ACSL1: variants seen among roughly 807,000 people sequenced by gnomAD.
ACSL1 encodes the protein long-chain-fatty-acid--CoA ligase 1.
Under a neutral mutation model 98.4 loss-of-function variants are expected in ACSL1, and 41 were observed. The observed-to-expected ratio is 0.42, with a 90% CI of 0.32 to 0.54. The LOEUF is 0.54. Ranked by LOEUF, ACSL1 falls within the 20% of genes least tolerant of loss-of-function variation. ACSL1 has a pLI of 0.13. For synonymous variants in ACSL1, 316 were observed against 322.7 expected (o/e 0.98, Z 0.22); for missense variants, 734 against 883.1 (o/e 0.83, Z 2.14).
chr4:184,765,932 C>A lies in ACSL1; in HGVS notation c.1318G>T (p.Ala440Ser). 1 of 1,614,094 alleles carries A rather than the reference C, an allele frequency of 6.2e-7. No individual in the cohort carries two copies. Among genetic ancestry groups the A allele is most frequent in the Non-Finnish European group, 8.5e-7 (1 of 1,180,014 alleles). ...GCTCTGAGGAACGTCAGCACAGTGG[C>A]AGACACCGGGGCGGCTCCTGTCACC... ...LMVTGAAPVS[A>S]TVLTFLRAAL... is the part of the protein sequence containing the mutation. The change falls in exon 14 of 21, where the codon GCC (alanine) becomes TCC (serine). Residue 440 changes from alanine to serine, a missense_variant. Physicochemically the swap from Ala to Ser is moderately conservative, Grantham distance 99. Coordinates refer to ENST00000281455, the MANE Select transcript of ACSL1 (RefSeq NM_001995.5).
rs767299019 is a variant in ACSL1, at chr4:184,757,125, C to T, written c.2097G>A (p.Ter699=). ...IDDLYSTIKV[*] ...TTTCCTCTGAGCTTTCTTCTTCACACTAAACCTTGATAGTGGAATAGAGGT... is the reference window on the plus strand; with the variant it reads ...TTTCCTCTGAGCTTTCTTCTTCACATTAAACCTTGATAGTGGAATAGAGGT... The change falls in exon 21 of 21, where the codon TAG becomes TAA. Residue 699 remains the stop codon, a stop_retained_variant. Transcript: ENST00000281455. This position sits in a 1 kb window ranked among gnomAD's most constrained non-coding sequence, Gnocchi z 4.5. The T allele has an allele frequency of 1.3e-6, 2 of 1,581,018 alleles. No individual in the cohort carries two copies. Among genetic ancestry groups the T allele is most frequent in the East Asian group, 4.5e-5 (2 of 44,112 alleles).
chr4:184,809,065 C>T (rs1375743600), intron 1 of ACSL1, among the ~76,000 whole-genome samples: 1 of 152,154 alleles, frequency 6.6e-6, no homozygotes, highest in Non-Finnish European at 1.5e-5. Context: ...AATCTTAAAC[C>T]CACTTAATTT....
chr4:184,799,383 C>T (rs1184094728), intron 2 of ACSL1, among the ~76,000 whole-genome samples: 1 of 152,058 alleles, frequency 6.6e-6, no homozygotes, highest in East Asian at 1.9e-4. Flanking sequence ...TCCCAAAGTG[C>T]TAGGATTACA....
intron 16 of ACSL1, among the ~76,000 whole-genome samples, 169 bp downstream of exon 16, chr4:184,762,998 G>A (rs1763069878): frequency 6.6e-6 from 1 of 152,098 alleles, no homozygotes; most frequent in South Asian, 2.1e-4. Context: ...CACTCCCCGA[G>A]AGCTGAACAT....
intron 1 of ACSL1, among the ~76,000 whole-genome samples, chr4:184,809,485 T>C (rs114397229): frequency 0.018 from 2,782 of 152,266 alleles, 80 homozygotes; most frequent in African/African-American, 0.05. Context: ...ACTTTAGAAA[T>C]ACTGTTTTAA....
rs1561175293 is a variant in ACSL1 at position 184,763,288 on chromosome 4, AG to A, written c.1433-34del. The A allele has an allele frequency of 2.5e-6, 4 of 1,591,038 alleles. No homozygotes were observed. In the South Asian group the frequency reaches 4.4e-5, roughly 18 times the overall value. ...TTAAATAAGCAAATGGTCATTCCTA[AG>A]GGAACTACTCATAACCTCAGGTCAA... On this transcript the variant is annotated intron_variant, in intron 15 of 20. Coordinates refer to ENST00000281455, the MANE Select transcript of ACSL1 (RefSeq NM_001995.5).
At chr4:184,794,376 A>T (rs183282160) in intron 2 of ACSL1, among the ~76,000 whole-genome samples, 133 of 152,340 alleles carry the variant, frequency 8.7e-4, no homozygotes, top group Non-Finnish European at 1.6e-3. Context: ...AGATATTTTT[A>T]AAATTCCCAG....
chr4:184,770,182 A>C, intron 11 of ACSL1: 1 of 1,310,686 alleles, frequency 7.6e-7, no homozygotes, highest in East Asian at 2.5e-5. Flanking sequence ...CTTTCAAATA[A>C]TCTGCACCAT....
chr4:184,805,472 T>G, intron 1 of ACSL1: 1 of 985,400 alleles, frequency 1.0e-6, no homozygotes, highest in Non-Finnish European at 1.2e-6. Context: ...ATAAGCAGAT[T>G]TCTTCAGGCC....
chr4:184,788,360 G>A (rs570402563), intron 3 of ACSL1: 2 of 586,662 alleles, frequency 3.4e-6, no homozygotes, highest in South Asian at 3.0e-5. Context: ...ATTGTGCACT[G>A]GTGTAACATG....
rs781305060 is a variant in ACSL1, at chr4:184,788,615, AC to A, written c.310+1del. On this transcript the variant is annotated splice_donor_variant, in intron 3 of 20. Transcript: ENST00000281455. LOFTEE classifies it high-confidence loss of function. The stretch of plus-strand genomic sequence containing the variant: ...GCCACGCAAATGCAGGAAAATGCTT[AC>A]TTGACACCTGTATTCCCCTCTGGAA... The A allele has an allele frequency of 6.2e-7, 1 of 1,612,232 alleles. No homozygotes were observed. The highest frequency in any genetic ancestry group is 8.5e-7 in the Non-Finnish European group (1 of 1,178,326).
In ACSL1 at chr4:184,757,964, G is replaced by A. The variant is rs997844876; in HGVS notation, c.1783-44C>T. The A allele has an allele frequency of 6.4e-7, 1 of 1,564,668 alleles. No homozygotes were observed. The highest frequency in any genetic ancestry group is 8.8e-7 in the Non-Finnish European group (1 of 1,137,226). ...AGTTATTACATAGCTTGATCCAAAT[G>A]CTCTAAAATAGTGGTTCTTTATTTT... On this transcript the variant is annotated intron_variant, in intron 18 of 20. Coordinates refer to ENST00000281455, the MANE Select transcript of ACSL1 (RefSeq NM_001995.5). The surrounding 1 kb of genome is among the most constrained non-coding windows in gnomAD (Gnocchi z 4.5).
At position 184,756,928 on chromosome 4, in the gene ACSL1, G is replaced by T. The variant is rs548488226; in HGVS notation, c.*197C>A. 5.3e-6 allele frequency: 3 copies of T among 568,054 alleles called. No homozygotes were observed. Among genetic ancestry groups the T allele is most frequent in the South Asian group, 8.2e-5 (2 of 24,248 alleles). 35.2% of individuals were successfully genotyped at this position (568,054 alleles called of 1,614,324 possible). On this transcript the variant is annotated 3_prime_UTR_variant, in exon 21 of 21. Coordinates refer to ENST00000281455, the MANE Select transcript of ACSL1 (RefSeq NM_001995.5). ...GGAAAGTGTGTATTACCATAAACAT[G>T]GTCTGCAACATGAGGTGACTGTAAG...
intron 2 of ACSL1, among the ~76,000 whole-genome samples, chr4:184,802,364 G>T (rs1032155763): frequency 6.6e-6 from 1 of 152,066 alleles, no homozygotes; most frequent in East Asian, 1.9e-4. Flanking sequence ...CAGTCAGCCC[G>T]GGGGGGTGGG....
At chr4:184,775,823 T>C (rs1408028924) in intron 7 of ACSL1, among the ~76,000 whole-genome samples, 1 of 152,256 alleles carries the variant, frequency 6.6e-6, no homozygotes, top group Non-Finnish European at 1.5e-5. Context: ...TGACTTGTTA[T>C]GATATGTATA....
intron 2 of ACSL1, among the ~76,000 whole-genome samples, chr4:184,796,897 G>C (rs1266335763): frequency 6.6e-6 from 1 of 152,192 alleles, no homozygotes; most frequent in Non-Finnish European, 1.5e-5. Context: ...ACTTGTCCCT[G>C]CCTCTCAGCG....
rs1487852646 is a variant in ACSL1, at chr4:184,783,825, A to G, written c.375+102T>C. On this transcript the variant is annotated intron_variant, in intron 4 of 20. Transcript: ENST00000281455. Reference sequence around the variant, plus strand: ...TTACGGCAAGGCTCTGAGCTGGTCCAGCACATACACTCTGGAGAAACCTTC... The same window carrying G: ...TTACGGCAAGGCTCTGAGCTGGTCCGGCACATACACTCTGGAGAAACCTTC... The G allele has an allele frequency of 4.6e-6, 5 of 1,091,900 alleles. No homozygotes were observed. In the Admixed American group the frequency reaches 5.7e-5, roughly 12 times the overall value. 67.6% of individuals were successfully genotyped at this position (1,091,900 alleles called of 1,614,324 possible).
At chr4:184,760,736 C>G (rs1266481484) in intron 17 of ACSL1, among the ~76,000 whole-genome samples, 1 of 152,288 alleles carries the variant, frequency 6.6e-6, no homozygotes, top group East Asian at 1.9e-4. Flanking sequence ...GGTCCTAGAG[C>G]CCGTGCTTAT....
intron 3 of ACSL1, among the ~76,000 whole-genome samples, chr4:184,785,718 A>T (rs776858361): frequency 6.6e-6 from 1 of 151,324 alleles, no homozygotes; most frequent in Non-Finnish European, 1.5e-5. Context: ...ACACATCCAT[A>T]AAAGGACTTT....
Sources: allele counts gnomAD v4.1 joint callset (sites outside exome capture counted in the v4.1 genomes callset), GRCh38; gene constraint gnomAD v4.1.1; non-coding constraint Gnocchi (gnomAD v3.1); transcripts MANE v1.5; gene names NCBI Gene and HGNC (gene_info 2026-07-23, HGNC 2026-07-21).